Variants in RELN observed in about 807,000 individuals in gnomAD.
RELN encodes the protein reelin.
In RELN, 108 loss-of-function variants were observed where a neutral mutation model predicts 427.6. That is an observed-to-expected ratio of 0.25 (90% confidence interval 0.22 to 0.30). The LOEUF is 0.30. Among genes scored for constraint, RELN ranks in the 10% least tolerant of loss-of-function variants. RELN has a pLI of 1.00. For synonymous variants in RELN, 1,524 were observed against 1,513.4 expected, an observed-to-expected ratio of 1.01 and a Z score of -0.16; for missense variants, 3,715 against 4,302.8, an observed-to-expected ratio of 0.86 and a Z score of 3.82.
chr7:103,484,432 G>A (rs543886425), intron 61 of RELN: 1 of 159,206 alleles, frequency 6.3e-6, no homozygotes, highest in East Asian at 1.9e-4. Context: ...GGACGCACAT[G>A]GAGCGGTGAG....
intron 24 of RELN, 140 bp from the exon 25 acceptor site, chr7:103,596,801 C>A: frequency 1.3e-6 from 1 of 765,216 alleles, no homozygotes. Context: ...AGAGGGCAGT[C>A]ATGCCATTTA....
At chr7:103,604,226 C>A in intron 23 of RELN, 120 bp downstream of exon 23, 1 of 1,170,150 alleles carries the variant, frequency 8.5e-7, no homozygotes, top group Non-Finnish European at 1.3e-6. Flanking sequence ...GGACTTGTTT[C>A]TTTTGGCTAT....
At chr7:103,491,760 C>T (rs1439960624) in intron 58 of RELN, among the ~76,000 whole-genome samples, 193 bp downstream of exon 58, 11 of 149,124 alleles carry the variant, frequency 7.4e-5, no homozygotes, top group Non-Finnish European at 1.2e-4. Context: ...ACCTGGGAGG[C>T]GGAGGTTGCG....
At chr7:103,487,344 T>G (rs1828476483) in intron 60 of RELN, among the ~76,000 whole-genome samples, 1 of 149,558 alleles carries the variant, frequency 6.7e-6, no homozygotes, top group Non-Finnish European at 1.5e-5. Context: ...CCCTGGCACA[T>G]GTATACCTAT....
intron 55 of RELN, 129 bp downstream of exon 55, chr7:103,497,691 T>C: frequency 1.3e-6 from 1 of 775,204 alleles, no homozygotes; most frequent in Non-Finnish European, 2.2e-6. Context: ...ACAAAATCTG[T>C]AGCTTTTTCT....
rs568104355 is a variant in RELN at position 103,936,555 on chromosome 7, C to A, written c.227-19370G>T. 2.0e-5 allele frequency among the ~76,000 whole-genome samples: 3 copies of A among 152,190 alleles called. No individual in the cohort carries two copies. The South Asian group carries it at 6.2e-4, about 32-fold the overall frequency. On this transcript the variant is annotated intron_variant, in intron 1 of 64. Coordinates refer to ENST00000428762, the MANE Select transcript of RELN (RefSeq NM_005045.4). ...TTCTATTTATTCCTTGGATATAAGA[C>A]AAAATCCTCAGCAATGGCCGACAAA...
chr7:103,858,919 A>G (rs1237273838), intron 2 of RELN, among the ~76,000 whole-genome samples: 1 of 152,204 alleles, frequency 6.6e-6, no homozygotes, highest in Non-Finnish European at 1.5e-5. Flanking sequence ...ACATTTTACT[A>G]TACTTAATGA....
At chr7:103,654,026 G>T (rs768301147) in intron 13 of RELN, 67 bp downstream of exon 13, 68 of 902,320 alleles carry the variant, frequency 7.5e-5, no homozygotes, top group Non-Finnish European at 1.2e-4. Context: ...GGTCTTTGTG[G>T]TTTTGACTTG....
At position 103,728,138 on chromosome 7, in the gene RELN, G is replaced by A; in HGVS notation, c.726C>T (p.Phe242=). ...GTTCTCGTGGGCCATATGGTTCACA[G>A]AAGGTGACGGCATTGCCATGCATAA... is the stretch of plus-strand genomic sequence containing the variant. ...GAIMHGNAVT[F]CEPYGPRELI... Residue 242 remains phenylalanine (F), a synonymous_variant, in exon 7 of 65, where the codon TTC becomes TTT. Transcript: ENST00000428762. The A allele has an allele frequency of 6.2e-7, 1 of 1,613,872 alleles. No individual in the cohort carries two copies. Among genetic ancestry groups the A allele is most frequent in the South Asian group, 1.1e-5 (1 of 91,084 alleles).
intron 1 of RELN, among the ~76,000 whole-genome samples, chr7:103,929,592 T>C (rs1795817216): frequency 6.6e-6 from 1 of 152,188 alleles, no homozygotes; most frequent in African/African-American, 2.4e-5. Flanking sequence ...TGATTCATTA[T>C]AACATTGAAC....
intron 6 of RELN, among the ~76,000 whole-genome samples, chr7:103,734,449 T>C (rs531793152): frequency 6.6e-6 from 1 of 152,332 alleles, no homozygotes; most frequent in Non-Finnish European, 1.5e-5. Flanking sequence ...GCGTATCATA[T>C]GGATTGTCCA....
At position 103,518,505 on chromosome 7, in the gene RELN, G is replaced by GTTT. The variant is rs58239018; in HGVS notation, c.7862+815_7862+817dup. Among the ~76,000 whole-genome samples, 7 of 114,396 alleles carry GTTT rather than the reference G, an allele frequency of 6.1e-5. 1 individual carries two copies. The East Asian group carries it at 8.6e-4, about 14-fold the overall frequency. 75.0% of individuals were successfully genotyped at this position (114,396 alleles called of 152,430 possible). On this transcript the variant is annotated intron_variant, in intron 49 of 64. Transcript: ENST00000428762. ...ATGCCACCACACCCAGGTAATTTAAGTTTTTTTTTTTTTTGGTAAAATGTC... is the reference window on the plus strand; with the variant it reads ...ATGCCACCACACCCAGGTAATTTAAGTTTTTTTTTTTTTTTTTGGTAAAATGTC...
chr7:103,511,267 TTGTAAA>T (rs1159909176), intron 50 of RELN, among the ~76,000 whole-genome samples: 1 of 152,190 alleles, frequency 6.6e-6, no homozygotes, highest in Non-Finnish European at 1.5e-5. Flanking sequence ...ATTGTACACA[TTGTAAA>T]TGAAAATCAA....
At chr7:103,624,900 A>T (rs1215629033) in intron 20 of RELN, among the ~76,000 whole-genome samples, 1 of 152,204 alleles carries the variant, frequency 6.6e-6, no homozygotes, top group Non-Finnish European at 1.5e-5. Context: ...AAATAAAATT[A>T]GACATAAGGA....
At chr7:103,876,493 T>A (rs1162426326) in intron 2 of RELN, among the ~76,000 whole-genome samples, 1 of 147,702 alleles carries the variant, frequency 6.8e-6, no homozygotes, top group African/African-American at 2.4e-5. Flanking sequence ...AAGCACAAAA[T>A]ACTATCAAAT....
At chr7:103,897,012 C>A (rs28439290) in intron 2 of RELN, among the ~76,000 whole-genome samples, 3 of 151,920 alleles carry the variant, frequency 2.0e-5, no homozygotes, top group Non-Finnish European at 2.9e-5. Context: ...ATGTCTTACA[C>A]GGCAGCAGGC....
chr7:103,895,528 G>A (rs937569754), intron 2 of RELN, among the ~76,000 whole-genome samples: 1 of 151,998 alleles, frequency 6.6e-6, no homozygotes, highest in African/African-American at 2.4e-5. Context: ...TTTATAAAGT[G>A]GTACATTGAA....
At chr7:103,579,540 A>T (rs1246621115) in intron 28 of RELN, among the ~76,000 whole-genome samples, 1 of 151,082 alleles carries the variant, frequency 6.6e-6, no homozygotes, top group Non-Finnish European at 1.5e-5. Flanking sequence ...TGGAGGTTGC[A>T]GTGAGCTAAG....
At chr7:103,987,279 C>T (rs565213397) in intron 1 of RELN, among the ~76,000 whole-genome samples, 11 of 152,190 alleles carry the variant, frequency 7.2e-5, no homozygotes, top group South Asian at 2.1e-4. Context: ...GATTCTCCTC[C>T]GCAATGTCCA....
Sources: gnomAD v4.1 joint callset for allele counts (sites outside exome capture counted in the v4.1 genomes callset) on GRCh38, gnomAD v4.1.1 for gene constraint, MANE v1.5 for transcripts, NCBI Gene and HGNC (gene_info 2026-07-23, HGNC 2026-07-21) for gene names.